Variants in RFX3 observed in about 807,000 individuals in gnomAD.
RFX3 encodes the protein transcription factor RFX3.
Under a neutral mutation model 98.6 loss-of-function variants are expected in RFX3, and 14 were observed. That is an observed-to-expected ratio of 0.14 (90% CI 0.09 to 0.22). RFX3 has a LOEUF of 0.22. RFX3 is among the 10% of genes least tolerant of loss of function. RFX3 has a pLI of 1.00. For missense variants in RFX3, 639 were observed against 926.9 expected (o/e 0.69, Z 4.03); for synonymous variants, 383 against 328.4 (o/e 1.17, Z -1.80).
intron 2 of RFX3, chr9:3,364,334 T>G (rs771174443): frequency 3.6e-5 from 6 of 164,518 alleles, no homozygotes; most frequent in Non-Finnish European, 7.9e-5. Context: ...ACACCTTAGC[T>G]CATCCATTTA....
intron 1 of RFX3, among the ~76,000 whole-genome samples, chr9:3,457,096 G>A (rs1049312639): frequency 6.6e-5 from 8 of 120,316 alleles, no homozygotes; most frequent in Admixed American, 3.5e-4. Context: ...AACCGAGATC[G>A]CACCACTGCG....
At chr9:3,394,787 C>A in intron 2 of RFX3, 1 of 971,130 alleles carries the variant, frequency 1.0e-6, no homozygotes, top group Non-Finnish European at 1.2e-6. Context: ...GTTCTCACCA[C>A]TCTTTAGAAG....
At chr9:3,352,154 T>G (rs1835216014) in intron 2 of RFX3, among the ~76,000 whole-genome samples, 1 of 152,034 alleles carries the variant, frequency 6.6e-6, no homozygotes, top group South Asian at 2.1e-4. Context: ...TTAAAAAGTA[T>G]GTTGTGGAAC....
At chr9:3,363,279 A>C (rs192642948) in intron 2 of RFX3, among the ~76,000 whole-genome samples, 88 of 152,334 alleles carry the variant, frequency 5.8e-4, no homozygotes, top group African/African-American at 1.9e-3. Flanking sequence ...GAAACATAAA[A>C]TATCAATAAA....
chr9:3,284,781 TA>T (rs767113528), intron 7 of RFX3, among the ~76,000 whole-genome samples: 3 of 151,788 alleles, frequency 2.0e-5, no homozygotes, highest in Non-Finnish European at 4.4e-5. Context: ...TAATCTCCTT[TA>T]TTTTAGGTAA....
At chr9:3,318,331 A>G (rs1830870054) in intron 4 of RFX3, among the ~76,000 whole-genome samples, 1 of 152,076 alleles carries the variant, frequency 6.6e-6, no homozygotes, top group Admixed American at 6.6e-5. Context: ...ATGAGAACAC[A>G]TGGACACAGG....
chr9:3,239,218 G>A (rs915221344), intron 15 of RFX3, among the ~76,000 whole-genome samples: 3 of 152,202 alleles, frequency 2.0e-5, no homozygotes, highest in Non-Finnish European at 2.9e-5. Flanking sequence ...CGAGGAAAAG[G>A]TTGCTGACTT....
intron 1 of RFX3, among the ~76,000 whole-genome samples, chr9:3,519,816 A>C (rs1201426891): frequency 6.6e-6 from 1 of 152,052 alleles, no homozygotes; most frequent in Non-Finnish European, 1.5e-5. Context: ...CACTAAGAAC[A>C]CTCTGCATTT....
chr9:3,500,913 T>C (rs924135066), intron 1 of RFX3, among the ~76,000 whole-genome samples: 6 of 152,144 alleles, frequency 3.9e-5, no homozygotes, highest in Admixed American at 3.3e-4. Flanking sequence ...TCTAAACTGG[T>C]TACATGAATA....
intron 4 of RFX3, among the ~76,000 whole-genome samples, chr9:3,318,529 A>T (rs996511449): frequency 6.7e-6 from 1 of 150,044 alleles, no homozygotes; most frequent in Admixed American, 6.6e-5. Context: ...AATAATAATT[A>T]AAAAATTAAA....
At chr9:3,367,331 A>T (rs1837326851) in intron 2 of RFX3, among the ~76,000 whole-genome samples, 1 of 152,162 alleles carries the variant, frequency 6.6e-6, no homozygotes, top group African/African-American at 2.4e-5. Context: ...TCAGACAGCC[A>T]ACAAGATAAC....
intron 15 of RFX3, among the ~76,000 whole-genome samples, chr9:3,246,654 G>C (rs1031328036): frequency 6.6e-6 from 1 of 152,126 alleles, no homozygotes; most frequent in Non-Finnish European, 1.5e-5. Context: ...CGTGCTACCT[G>C]GGCATTTTCC....
chr9:3,284,721 C>A (rs190750664), intron 7 of RFX3, among the ~76,000 whole-genome samples: 2 of 151,828 alleles, frequency 1.3e-5, no homozygotes, highest in African/African-American at 2.4e-5. Flanking sequence ...ACTTGTATTT[C>A]TTCTTGGCAG....
chr9:3,499,195 T>A (rs1272509904), intron 1 of RFX3, among the ~76,000 whole-genome samples: 2 of 152,084 alleles, frequency 1.3e-5, no homozygotes, highest in Non-Finnish European at 2.9e-5. Flanking sequence ...TCCTAAAAGG[T>A]CATAATGGAT....
intron 7 of RFX3, among the ~76,000 whole-genome samples, chr9:3,287,030 C>G (rs114455552): frequency 6.6e-6 from 1 of 151,910 alleles, no homozygotes; most frequent in South Asian, 2.1e-4. Flanking sequence ...ACTTCCCAGA[C>G]TGTATTCCAT....
At chr9:3,431,971 T>C (rs1021126205) in intron 1 of RFX3, among the ~76,000 whole-genome samples, 3 of 152,142 alleles carry the variant, frequency 2.0e-5, no homozygotes, top group South Asian at 2.1e-4. Flanking sequence ...CTCCACTATT[T>C]GTGCAAATGC....
At chr9:3,344,327 C>T (rs1345125607) in intron 3 of RFX3, among the ~76,000 whole-genome samples, 1 of 152,116 alleles carries the variant, frequency 6.6e-6, no homozygotes, top group Non-Finnish European at 1.5e-5. Flanking sequence ...TATTTTTTCA[C>T]ATTTTGAAAT....
intron 1 of RFX3, among the ~76,000 whole-genome samples, chr9:3,475,352 G>C (rs1587801310): frequency 6.6e-6 from 1 of 151,672 alleles, no homozygotes; most frequent in Non-Finnish European, 1.5e-5. Context: ...AAGACGCAGA[G>C]ACCGGTAGTG....
At chr9:3,476,527 G>A (rs1474132317) in intron 1 of RFX3, among the ~76,000 whole-genome samples, 3 of 152,074 alleles carry the variant, frequency 2.0e-5, no homozygotes, top group Non-Finnish European at 2.9e-5. Flanking sequence ...ATTAAACCAA[G>A]TCAATTTTAG....
Sources: allele counts gnomAD v4.1 joint callset (sites outside exome capture counted in the v4.1 genomes callset), GRCh38; gene constraint gnomAD v4.1.1; transcripts MANE v1.5; gene names NCBI Gene and HGNC (gene_info 2026-07-23, HGNC 2026-07-21).